The following ADGRB1 variants were observed in gnomAD, a reference collection of about 807,000 sequenced individuals.
ADGRB1 encodes brain-specific angiogenesis inhibitor 1.
In ADGRB1, 36 loss-of-function variants were observed where a neutral mutation model predicts 175.7. The observed-to-expected ratio is 0.20, with a 90% confidence interval of 0.16 to 0.27. ADGRB1 has a LOEUF of 0.27. Ranked by LOEUF, ADGRB1 falls within the 10% of genes least tolerant of loss-of-function variation. The pLI, the probability that ADGRB1 is intolerant of heterozygous loss-of-function variation, is 1.00. For missense variants in ADGRB1, 1,731 were observed against 2,255.3 expected, an observed-to-expected ratio of 0.77 and a Z score of 4.71; for synonymous variants, 1,054 against 979.4, an observed-to-expected ratio of 1.08 and a Z score of -1.42.
rs71516697 is a variant in ADGRB1, at chr8:142,463,607, G to T, written c.-219-373G>T. On this transcript the variant is annotated intron_variant, in intron 1 of 30. Transcript: ENST00000517894. ...CCACTCACAGAGGGGCAGCCACGCA[G>T]AGCGTGGTGAGCGAGTGGGCAGGCA... Among the ~76,000 whole-genome samples, 3 of 152,388 alleles carry T rather than the reference G, an allele frequency of 2.0e-5. No individual in the cohort carries two copies. The East Asian group carries it at 5.8e-4, about 29-fold the overall frequency.
intron 23 of ADGRB1, 25 bp from the exon 24 acceptor site, chr8:142,526,517 A>AAAG: frequency 2.7e-6 from 2 of 732,984 alleles, no homozygotes; most frequent in Non-Finnish European, 4.1e-6. Flanking sequence ...CCACCCCCAC[A>AAAG]CCCCCACCAC....
At chr8:142,540,334 T>C (rs1355124520) in intron 27 of ADGRB1, among the ~76,000 whole-genome samples, 3 of 152,262 alleles carry the variant, frequency 2.0e-5, no homozygotes, top group Non-Finnish European at 1.5e-5. Context: ...TGGGGTCTCC[T>C]GTGAACCAGT....
Position 142,455,363 on chromosome 8 carries a change from C to G in ADGRB1, c.-220+5259C>G, listed in dbSNP as rs933203282. 6.6e-6 allele frequency among the ~76,000 whole-genome samples: 1 copy of G among 152,084 alleles called. No individual in the cohort carries two copies. Among genetic ancestry groups the G allele is most frequent in the African/African-American group, 2.4e-5 (1 of 41,414 alleles). Reference sequence around the variant, plus strand: ...CCCTTCACTCGCCCCCATGGCTGTCCTCCTGCTTGTGGCGTTCTGTTCTCT... The same window carrying G: ...CCCTTCACTCGCCCCCATGGCTGTCGTCCTGCTTGTGGCGTTCTGTTCTCT... On this transcript the variant is annotated intron_variant, in intron 1 of 30. Transcript: ENST00000517894. This position sits in a 1 kb window ranked among gnomAD's most constrained non-coding sequence, Gnocchi z 4.9.
rs1843002932 is a variant in ADGRB1 at position 142,510,115 on chromosome 8, G to A, written c.2676-817G>A. On this transcript the variant is annotated intron_variant, in intron 17 of 30. Coordinates refer to ENST00000517894, the MANE Select transcript of ADGRB1 (RefSeq NM_001702.3). The surrounding 1 kb of genome is among the most constrained non-coding windows in gnomAD (Gnocchi z 6.3). ...AGGAGGAGGTGGAGGAGGAAGAACA[G>A]GAGGAGGAGGTTGGGGGTGGAGAGG... Among the ~76,000 whole-genome samples the A allele has an allele frequency of 6.6e-6, 1 of 152,108 alleles. No individual in the cohort carries two copies. The highest frequency in any genetic ancestry group is 1.5e-5 in the Non-Finnish European group (1 of 67,976).
At chr8:142,500,193 C>T (rs1375529706) in intron 17 of ADGRB1, among the ~76,000 whole-genome samples, 1 of 151,338 alleles carries the variant, frequency 6.6e-6, no homozygotes, top group Non-Finnish European at 1.5e-5. Context: ...GTTTCGCCCC[C>T]GCCCCACACC....
At chr8:142,509,682 G>C (rs1455632345) in intron 17 of ADGRB1, among the ~76,000 whole-genome samples, 2 of 152,248 alleles carry the variant, frequency 1.3e-5, no homozygotes, top group African/African-American at 4.8e-5. Flanking sequence ...GAAGACCCTC[G>C]ACTTGGGCTT....
At chr8:142,515,326 C>T (rs1302932585) in intron 18 of ADGRB1, among the ~76,000 whole-genome samples, 2 of 152,230 alleles carry the variant, frequency 1.3e-5, no homozygotes, top group African/African-American at 2.4e-5. Flanking sequence ...TGGTCTACCC[C>T]TCCTAGTGAG....
intron 17 of ADGRB1, among the ~76,000 whole-genome samples, chr8:142,502,399 AT>A (rs1563718989): frequency 8.7e-3 from 23 of 2,636 alleles, no homozygotes; most frequent in African/African-American, 0.027. Flanking sequence ...AGTGGTGGTG[AT>A]GGTGGTGGTG....
At chr8:142,518,048 G>C in intron 18 of ADGRB1, 90 bp from the exon 19 acceptor site, 2 of 1,265,508 alleles carry the variant, frequency 1.6e-6, no homozygotes, top group Non-Finnish European at 2.2e-6. Context: ...TGTGACCCGG[G>C]GCTGCGGGCT....
rs1416062562 is a variant in ADGRB1, at chr8:142,534,018, C to T, written c.3570+552C>T. 2.6e-5 allele frequency among the ~76,000 whole-genome samples: 4 copies of T among 152,218 alleles called. 1 individual carries two copies. In the South Asian group the frequency reaches 6.2e-4, roughly 24 times the overall value. ...GCCAGGAGGGCGGAAGGCCCAGGAG[C>T]GGGGCGGCCACCTCCCCCTTCCTGG... On this transcript the variant is annotated intron_variant, in intron 25 of 30. Transcript: ENST00000517894.
intron 2 of ADGRB1, among the ~76,000 whole-genome samples, chr8:142,465,770 C>T (rs924014623): frequency 4.6e-5 from 7 of 152,082 alleles, no homozygotes; most frequent in South Asian, 2.1e-4. Flanking sequence ...GCTGCGAGGA[C>T]GAGGGACCTT....
At position 142,491,100 on chromosome 8, in the gene ADGRB1, C is replaced by T. The variant is rs141372466; in HGVS notation, c.2675+285C>T. ...GGCAGGCGTCCTGGCCTGCCACCTG[C>T]CCCCAGCCCCCAGCCCCATGCCCAC... On this transcript the variant is annotated intron_variant, in intron 17 of 30. Transcript: ENST00000517894. 9.4e-3 allele frequency among the ~76,000 whole-genome samples: 1,428 copies of T among 152,304 alleles called. 34 individuals are homozygous for T. Among genetic ancestry groups the T allele is most frequent in the African/African-American group, 0.033 (1,353 of 41,572 alleles).
Position 142,537,188 on chromosome 8 carries a change from C to A in ADGRB1, c.3666+106C>A. 1 of 891,768 alleles carries A rather than the reference C, an allele frequency of 1.1e-6. No homozygotes were observed. Among genetic ancestry groups the A allele is most frequent in the African/African-American group, 1.8e-5 (1 of 57,022 alleles). 55.2% of individuals were successfully genotyped at this position (891,768 alleles called of 1,614,324 possible). On this transcript the variant is annotated intron_variant, in intron 26 of 30. Coordinates refer to ENST00000517894, the MANE Select transcript of ADGRB1 (RefSeq NM_001702.3). This position sits in a 1 kb window ranked among gnomAD's most constrained non-coding sequence, Gnocchi z 4.6. Reference sequence around the variant, plus strand: ...CCAAGCTCCCCTAGGCCCCAGCAACCCTGCTGAGAGGAGCTCTGAACCCAG... The same window carrying A: ...CCAAGCTCCCCTAGGCCCCAGCAACACTGCTGAGAGGAGCTCTGAACCCAG...
At chr8:142,520,010 ATGGTGGTGATGGTGG>A (rs1386147909) in intron 19 of ADGRB1, among the ~76,000 whole-genome samples, 5 of 48,326 alleles carry the variant, frequency 1.0e-4, no homozygotes, top group Middle Eastern at 0.011. Flanking sequence ...GATTATGGTG[ATGGTGGTGATGGTGG>A]TGGTGGTGAT....
chr8:142,522,331 C>T (rs1435009290), intron 21 of ADGRB1, among the ~76,000 whole-genome samples: 1 of 152,192 alleles, frequency 6.6e-6, no homozygotes, highest in Non-Finnish European at 1.5e-5. Flanking sequence ...ATAACGAAAA[C>T]GTTTCTAGCA....
In ADGRB1 at chr8:142,479,812, C is replaced by T. The variant is rs940116770; in HGVS notation, c.1828+18C>T. 6.9e-6 allele frequency: 11 copies of T among 1,602,320 alleles called. No individual in the cohort carries two copies. The highest frequency in any genetic ancestry group is 1.1e-5 in the South Asian group (1 of 90,058). On this transcript the variant is annotated intron_variant, in intron 9 of 30. Coordinates refer to ENST00000517894, the MANE Select transcript of ADGRB1 (RefSeq NM_001702.3). ...CGCCACAGGTGAGGGCTGGAGAGCACGTGGTGTATGGGGGCTCCCGTCCTG... is the reference window on the plus strand; with the variant it reads ...CGCCACAGGTGAGGGCTGGAGAGCATGTGGTGTATGGGGGCTCCCGTCCTG...
chr8:142,536,870 AC>A, intron 25 of ADGRB1, 116 bp from the exon 26 acceptor site: 1 of 796,920 alleles, frequency 1.3e-6, no homozygotes, highest in Non-Finnish European at 1.9e-6. Flanking sequence ...CCTCCTGCTG[AC>A]CAGCCCTGCC....
intron 23 of ADGRB1, 29 bp from the exon 24 acceptor site, chr8:142,526,513 C>CCCCCCCCCCCCCCCA: frequency 4.4e-6 from 6 of 1,363,498 alleles, no homozygotes; most frequent in Admixed American, 1.9e-5. Context: ...GCCCCCACCC[C>CCCCCCCCCCCCCCCA]CACACCCCCA....
chr8:142,488,912 C>A (rs372157355), intron 14 of ADGRB1, 123 bp from the exon 15 acceptor site: 5 of 1,230,096 alleles, frequency 4.1e-6, no homozygotes, highest in South Asian at 2.8e-5. Context: ...TCCGCCAGGG[C>A]CCTGGACGCG....
Sources: allele counts gnomAD v4.1 joint callset (sites outside exome capture counted in the v4.1 genomes callset), GRCh38; gene constraint gnomAD v4.1.1; non-coding constraint Gnocchi (gnomAD v3.1); transcripts MANE v1.5; gene names NCBI Gene and HGNC (gene_info 2026-07-23, HGNC 2026-07-21).